CDK14: variants seen among roughly 807,000 people sequenced by gnomAD.
CDK14 encodes the protein cyclin-dependent kinase 14.
Under a neutral mutation model 60.7 loss-of-function variants are expected in CDK14, and 34 were observed. The observed-to-expected ratio is 0.56, with a 90% CI of 0.43 to 0.75. The LOEUF (loss-of-function observed/expected upper bound fraction) is 0.75, where lower values mean the gene tolerates loss of function less well. CDK14 is among the 30% of genes least tolerant of loss of function. CDK14 has a pLI of 0.00. For synonymous variants in CDK14, 197 were observed against 203.7 expected (o/e 0.97, Z 0.28); for missense variants, 482 against 564.1 (o/e 0.85, Z 1.47).
At position 91,091,501 on chromosome 7, in the gene CDK14, TTA is replaced by T. The variant is rs56670195; in HGVS notation, c.1154+12036_1154+12037del. Among the ~76,000 whole-genome samples the T allele has an allele frequency of 8.4e-4, 75 of 88,984 alleles. 5 individuals carry two copies. Among genetic ancestry groups the T allele is most frequent in the African/African-American group, 3.0e-3 (70 of 23,028 alleles). 58.4% of individuals were successfully genotyped at this position (88,984 alleles called of 152,430 possible). A position where few individuals can be genotyped will look rare whatever the true frequency, so the allele number is the denominator to read the frequency against. ...TATATGTATATGTAGTTTATATATT[TTA>T]TATATATATATATAAATTAGCCAGG... is the stretch of plus-strand genomic sequence containing the variant. On this transcript the variant is annotated intron_variant, in intron 12 of 14. Transcript: ENST00000380050.
chr7:91,143,680 TCC>T (rs1800534618), intron 14 of CDK14, among the ~76,000 whole-genome samples: 1 of 1,464 alleles, frequency 6.8e-4, no homozygotes, highest in South Asian at 5.0e-3. Flanking sequence ...GCTACTGTGT[TCC>T]AGCCTGTGTT....
chr7:91,012,904 G>T (rs720210), intron 10 of CDK14, among the ~76,000 whole-genome samples: 2 of 152,092 alleles, frequency 1.3e-5, no homozygotes, highest in Non-Finnish European at 2.9e-5. Flanking sequence ...TTGAGAGGGC[G>T]TAACGTTAAG....
chr7:90,826,379 C>T (rs1316364124), intron 5 of CDK14, among the ~76,000 whole-genome samples: 1 of 152,020 alleles, frequency 6.6e-6, no homozygotes, highest in Admixed American at 6.6e-5. Context: ...CCCCCACTCC[C>T]AGCTAATTTT....
chr7:90,831,969 C>T (rs1172621606), intron 5 of CDK14, among the ~76,000 whole-genome samples: 1 of 151,934 alleles, frequency 6.6e-6, no homozygotes, highest in Non-Finnish European at 1.5e-5. Flanking sequence ...AACTCTCTGC[C>T]CTCTAATATT....
chr7:90,917,751 A>G (rs745453618), intron 8 of CDK14, 27 bp downstream of exon 8: 71 of 1,610,016 alleles, frequency 4.4e-5, no homozygotes, highest in Non-Finnish European at 5.7e-5. Flanking sequence ...TTACCAGTCT[A>G]TTTTGTCATA....
intron 14 of CDK14, among the ~76,000 whole-genome samples, chr7:91,180,095 A>G (rs930537471): frequency 5.1e-4 from 77 of 152,334 alleles, no homozygotes; most frequent in African/African-American, 1.7e-3. Flanking sequence ...AGGAGAAAAA[A>G]GGATCCTTTG....
intron 3 of CDK14, among the ~76,000 whole-genome samples, chr7:90,727,053 CTTAA>C (rs1303962959): frequency 2.0e-5 from 3 of 152,116 alleles, no homozygotes; most frequent in Non-Finnish European, 4.4e-5. Context: ...ATTTTTCCCC[CTTAA>C]TTGTTTCTAG....
intron 9 of CDK14, among the ~76,000 whole-genome samples, chr7:90,973,428 A>G (rs1402397487): frequency 6.6e-6 from 1 of 152,178 alleles, no homozygotes; most frequent in Non-Finnish European, 1.5e-5. Flanking sequence ...AGCCTTTGCT[A>G]ACACATGGAT....
At chr7:90,702,298 G>A (rs1431060566) in intron 2 of CDK14, among the ~76,000 whole-genome samples, 2 of 152,112 alleles carry the variant, frequency 1.3e-5, no homozygotes, top group South Asian at 2.1e-4. Flanking sequence ...CTATGTTACC[G>A]AATACAAAAG....
At chr7:91,158,809 C>T (rs1801073710) in intron 14 of CDK14, among the ~76,000 whole-genome samples, 1 of 152,150 alleles carries the variant, frequency 6.6e-6, no homozygotes, top group Admixed American at 6.6e-5. Context: ...AGTCAGGTCA[C>T]AGGTGACATG....
At chr7:91,126,424 A>G (rs1799947560) in intron 14 of CDK14, among the ~76,000 whole-genome samples, 2 of 152,162 alleles carry the variant, frequency 1.3e-5, no homozygotes, top group African/African-American at 4.8e-5. Context: ...TGCCTGAGAA[A>G]AAAAGAGGTT....
At chr7:91,005,066 G>C (rs1045819074) in intron 10 of CDK14, among the ~76,000 whole-genome samples, 15 of 152,238 alleles carry the variant, frequency 9.9e-5, no homozygotes, top group African/African-American at 2.4e-4. Flanking sequence ...CCCTGGGCCA[G>C]ATCTGGCCCA....
intron 14 of CDK14, among the ~76,000 whole-genome samples, chr7:91,137,504 A>T (rs1004628884): frequency 1.3e-5 from 2 of 152,312 alleles, no homozygotes; most frequent in African/African-American, 4.8e-5. Context: ...TTGAAAAAAT[A>T]AAAAATTTTT....
Position 90,973,042 on chromosome 7 carries a change from G to A in CDK14, c.948-11106G>A, listed in dbSNP as rs141882999. Reference sequence around the variant, plus strand: ...ATACATAGGATTTGAGGAAATTTCCGATGCCAGCATAATGTTGAAAGGCAG... The same window carrying A: ...ATACATAGGATTTGAGGAAATTTCCAATGCCAGCATAATGTTGAAAGGCAG... On this transcript the variant is annotated intron_variant, in intron 9 of 14. Coordinates refer to ENST00000380050, the MANE Select transcript of CDK14 (RefSeq NM_001287135.2). 1.6e-4 allele frequency among the ~76,000 whole-genome samples: 25 copies of A among 152,232 alleles called. No individual in the cohort carries two copies. In the East Asian group the frequency reaches 3.9e-3, roughly 24 times the overall value.
chr7:91,083,918 A>G (rs1323852476), intron 12 of CDK14, among the ~76,000 whole-genome samples: 10 of 152,236 alleles, frequency 6.6e-5, no homozygotes, highest in Admixed American at 6.5e-4. Flanking sequence ...TAAATGTGAA[A>G]GCATATGAAA....
At chr7:90,911,570 C>T (rs192518392) in intron 7 of CDK14, among the ~76,000 whole-genome samples, 12 of 152,290 alleles carry the variant, frequency 7.9e-5, no homozygotes, top group Admixed American at 3.3e-4. Context: ...ATATTCACCA[C>T]GCTTCATCTC....
chr7:90,850,160 A>C (rs1483383340), intron 5 of CDK14, among the ~76,000 whole-genome samples: 1 of 152,038 alleles, frequency 6.6e-6, no homozygotes, highest in African/African-American at 2.4e-5. Context: ...TAATAAGAAA[A>C]TGAGAATGGA....
At chr7:91,203,236 C>G (rs1802784320) in intron 14 of CDK14, among the ~76,000 whole-genome samples, 1 of 151,956 alleles carries the variant, frequency 6.6e-6, no homozygotes, top group Non-Finnish European at 1.5e-5. Flanking sequence ...TGTGCCATTT[C>G]ACAGGCATCA....
chr7:91,110,556 A>G (rs1385571170), intron 12 of CDK14, among the ~76,000 whole-genome samples: 3 of 152,134 alleles, frequency 2.0e-5, no homozygotes, highest in Non-Finnish European at 4.4e-5. Context: ...CTTGCTTTGT[A>G]TTTCATGTTT....
Sources: allele counts gnomAD v4.1 joint callset (sites outside exome capture counted in the v4.1 genomes callset), GRCh38; gene constraint gnomAD v4.1.1; transcripts MANE v1.5; gene names NCBI Gene and HGNC (gene_info 2026-07-23, HGNC 2026-07-21).